AUTS2: variants seen among roughly 807,000 people sequenced by gnomAD.
AUTS2 encodes the protein autism susceptibility gene 2 protein.
In AUTS2, 17 loss-of-function variants were observed where a neutral mutation model predicts 112.4. The ratio of observed to expected loss-of-function variants is 0.15; its 90% confidence interval spans 0.10 to 0.23. The LOEUF is 0.23. AUTS2 is among the 10% of genes least tolerant of loss of function. The probability of loss-of-function intolerance (pLI) is 1.00; values close to 1 mark genes in which losing one functional copy is unlikely to be tolerated. For missense variants in AUTS2, 1,510 were observed against 1,701.6 expected, an observed-to-expected ratio of 0.89 and a Z score of 1.98; for synonymous variants, 751 against 702.7, an observed-to-expected ratio of 1.07 and a Z score of -1.09.
chr7:70,712,867 C>T (rs568317256), intron 6 of AUTS2, among the ~76,000 whole-genome samples: 235 of 152,306 alleles, frequency 1.5e-3, no homozygotes, highest in Non-Finnish European at 2.8e-3. Context: ...TCACTGCAGC[C>T]TCCATATCCT....
intron 1 of AUTS2, among the ~76,000 whole-genome samples, chr7:69,807,575 ATTTT>A (rs928537952): frequency 6.6e-6 from 1 of 151,166 alleles, no homozygotes; most frequent in Admixed American, 6.6e-5. Flanking sequence ...CTTAGTGTAA[ATTTT>A]TTTTTAGCTG....
chr7:70,693,717 C>T (rs1808878413), intron 5 of AUTS2, among the ~76,000 whole-genome samples: 1 of 152,270 alleles, frequency 6.6e-6, no homozygotes, highest in Non-Finnish European at 1.5e-5. Context: ...GCAGATGTGA[C>T]TGGCTTGGTG....
At position 70,792,817 on chromosome 7, in the gene AUTS2, G is replaced by A. The variant is rs769887371; in HGVS notation, c.*1821G>A. ...GAATCTTCAGCATGTTCTCATCGGC[G>A]GAGCCTTCTTGTGTAATGTAAACTG... On this transcript the variant is annotated 3_prime_UTR_variant, in exon 19 of 19. Coordinates refer to ENST00000342771, the MANE Select transcript of AUTS2 (RefSeq NM_015570.4). The A allele has an allele frequency of 3.3e-5, 5 of 152,672 alleles. No homozygotes were observed. Among genetic ancestry groups the A allele is most frequent in the Admixed American group, 2.0e-4 (3 of 15,292 alleles). 9.5% of individuals were successfully genotyped at this position (152,672 alleles called of 1,614,324 possible).
intron 5 of AUTS2, among the ~76,000 whole-genome samples, chr7:70,485,347 A>G (rs1444314525): frequency 6.6e-6 from 1 of 152,218 alleles, no homozygotes; most frequent in Non-Finnish European, 1.5e-5. Flanking sequence ...GGAGGCCATT[A>G]TTCTAAGTGA....
At chr7:70,632,630 C>G (rs1217551275) in intron 5 of AUTS2, among the ~76,000 whole-genome samples, 1 of 152,010 alleles carries the variant, frequency 6.6e-6, no homozygotes, top group Non-Finnish European at 1.5e-5. Flanking sequence ...CTGACACTCC[C>G]CTCCCTTCCA....
rs142073228 is a variant in AUTS2 at position 69,977,021 on chromosome 7, A to G, written c.522+77523A>G. Among the ~76,000 whole-genome samples the G allele has an allele frequency of 3.9e-5, 6 of 152,278 alleles. No individual in the cohort carries two copies. In the East Asian group the frequency reaches 1.2e-3, roughly 29 times the overall value. On this transcript the variant is annotated intron_variant, in intron 2 of 18. Coordinates refer to ENST00000342771, the MANE Select transcript of AUTS2 (RefSeq NM_015570.4). ...CATCCAAGAAAGATTGTCAAATCCA[A>G]TGTCATGAAGCTTTTCCTCAATGTT...
At chr7:70,476,669 CAG>C (rs746258401) in intron 5 of AUTS2, among the ~76,000 whole-genome samples, 24 of 152,278 alleles carry the variant, frequency 1.6e-4, no homozygotes, top group African/African-American at 5.1e-4. Context: ...TAGTAACAAA[CAG>C]GGGTTCAAAT....
At chr7:70,141,618 T>A (rs1270682474) in intron 4 of AUTS2, among the ~76,000 whole-genome samples, 1 of 152,178 alleles carries the variant, frequency 6.6e-6, no homozygotes, top group Non-Finnish European at 1.5e-5. Flanking sequence ...TTTTTCCTCC[T>A]AGTAACAAAA....
chr7:69,903,691 T>G (rs2129541163), intron 2 of AUTS2, among the ~76,000 whole-genome samples: 1 of 152,332 alleles, frequency 6.6e-6, no homozygotes, highest in African/African-American at 2.4e-5. Context: ...GCCATTCATC[T>G]TAGGGCAGAA....
At chr7:69,755,906 A>G (rs1466033370) in intron 1 of AUTS2, among the ~76,000 whole-genome samples, 3 of 152,120 alleles carry the variant, frequency 2.0e-5, no homozygotes, top group African/African-American at 7.2e-5. Flanking sequence ...CGAACTACAA[A>G]CCTGAATGAT....
In AUTS2 at chr7:70,469,352, A is replaced by G. The variant is rs150105457; in HGVS notation, c.690+33571A>G. Reference sequence around the variant, plus strand: ...TACAGTGATCAGGGGCAGCTTCTCTAAGGAAGGGCCCAAATAAAGAGAAGC... The same window carrying G: ...TACAGTGATCAGGGGCAGCTTCTCTGAGGAAGGGCCCAAATAAAGAGAAGC... On this transcript the variant is annotated intron_variant, in intron 5 of 18. Transcript: ENST00000342771. 2.4e-3 allele frequency among the ~76,000 whole-genome samples: 373 copies of G among 152,284 alleles called. 1 individual carries two copies. Among genetic ancestry groups the G allele is most frequent in the African/African-American group, 8.5e-3 (354 of 41,564 alleles).
chr7:70,037,118 A>T (rs1183774663), intron 2 of AUTS2, among the ~76,000 whole-genome samples: 1 of 152,228 alleles, frequency 6.6e-6, no homozygotes, highest in Non-Finnish European at 1.5e-5. Flanking sequence ...GGAGGACATT[A>T]TGCTAAGTAA....
chr7:70,608,645 G>C (rs1803911193), intron 5 of AUTS2, among the ~76,000 whole-genome samples: 1 of 152,206 alleles, frequency 6.6e-6, no homozygotes, highest in South Asian at 2.1e-4. Context: ...AGTGCTTAGA[G>C]CTTCCGTGTC....
intron 2 of AUTS2, among the ~76,000 whole-genome samples, chr7:69,903,885 G>A (rs1795059530): frequency 1.3e-5 from 2 of 152,124 alleles, no homozygotes. Context: ...AGTTGATCTG[G>A]GTAGGTATTT....
intron 5 of AUTS2, among the ~76,000 whole-genome samples, chr7:70,673,891 C>G (rs740164): frequency 0.64 from 96,953 of 152,166 alleles, 31,513 homozygotes; most frequent in East Asian, 0.97. Flanking sequence ...GGTGCCTACT[C>G]TATGCCTGCA....
intron 1 of AUTS2, among the ~76,000 whole-genome samples, chr7:69,765,026 A>T (rs932826209): frequency 2.0e-5 from 3 of 152,210 alleles, no homozygotes; most frequent in Non-Finnish European, 4.4e-5. Context: ...TTTCCAGCAG[A>T]ATGAGAGAAG....
At chr7:69,812,216 C>G (rs1207138963) in intron 1 of AUTS2, among the ~76,000 whole-genome samples, 1 of 152,006 alleles carries the variant, frequency 6.6e-6, no homozygotes, top group Non-Finnish European at 1.5e-5. Context: ...GAGATAAAAA[C>G]CACATAAAAG....
chr7:69,904,195 G>A (rs962942383), intron 2 of AUTS2, among the ~76,000 whole-genome samples: 9 of 152,220 alleles, frequency 5.9e-5, no homozygotes, highest in African/African-American at 2.2e-4. Flanking sequence ...TGATGGAACA[G>A]TCTATCCCAG....
At chr7:70,669,775 T>G (rs2129543836) in intron 5 of AUTS2, among the ~76,000 whole-genome samples, 1 of 152,364 alleles carries the variant, frequency 6.6e-6, no homozygotes, top group South Asian at 2.1e-4. Flanking sequence ...TATTTGATTC[T>G]TCTTTGGCAC....
Sources: gnomAD v4.1 joint callset for allele counts (sites outside exome capture counted in the v4.1 genomes callset) on GRCh38, gnomAD v4.1.1 for gene constraint, MANE v1.5 for transcripts, NCBI Gene and HGNC (gene_info 2026-07-23, HGNC 2026-07-21) for gene names.